Variants in LRBA observed in about 807,000 individuals in gnomAD.
LRBA encodes lipopolysaccharide-responsive and beige-like anchor protein.
In LRBA, 176 loss-of-function variants were observed where a neutral mutation model predicts 330.0. The observed-to-expected ratio is 0.53, with a 90% confidence interval of 0.47 to 0.60. The LOEUF (loss-of-function observed/expected upper bound fraction) is 0.60, where lower values mean the gene tolerates loss of function less well. LRBA is among the 20% of genes least tolerant of loss of function. LRBA has a pLI of 0.00. For synonymous variants in LRBA, 1,230 were observed against 1,193.0 expected (o/e 1.03, Z -0.64); for missense variants, 3,259 against 3,444.8 (o/e 0.95, Z 1.35).
chr4:150,722,175 T>A (rs547620316), intron 36 of LRBA, among the ~76,000 whole-genome samples: 1 of 151,826 alleles, frequency 6.6e-6, no homozygotes, highest in African/African-American at 2.4e-5. Context: ...GAAAAAAAAA[T>A]AATTTGAGAA....
chr4:150,975,375 A>G (rs1431262908), intron 2 of LRBA, among the ~76,000 whole-genome samples: 1 of 151,878 alleles, frequency 6.6e-6, no homozygotes. Flanking sequence ...AAAATACAAA[A>G]ATTAGCTGGG....
chr4:150,398,633 CT>C (rs57787237), intron 47 of LRBA, among the ~76,000 whole-genome samples: 74 of 147,188 alleles, frequency 5.0e-4, no homozygotes, highest in South Asian at 8.6e-4. Context: ...TTCTTTCTTT[CT>C]TTTTTTTTTT....
chr4:150,917,070 G>A (rs918750201), intron 5 of LRBA, among the ~76,000 whole-genome samples: 18 of 151,892 alleles, frequency 1.2e-4, no homozygotes, highest in East Asian at 7.8e-4. Context: ...GGAGAACGGC[G>A]TGAACCCAGG....
At chr4:150,975,585 T>C (rs1370266775) in intron 2 of LRBA, among the ~76,000 whole-genome samples, 1 of 132,406 alleles carries the variant, frequency 7.6e-6, no homozygotes, top group Admixed American at 7.3e-5. Context: ...TAAAGAAAAA[T>C]GAAATGAATG....
intron 2 of LRBA, among the ~76,000 whole-genome samples, chr4:150,966,339 G>A (rs1192977925): frequency 2.7e-5 from 4 of 149,516 alleles, no homozygotes; most frequent in African/African-American, 4.9e-5. Flanking sequence ...ACGGAGTCTC[G>A]TTCTGTCACC....
chr4:150,843,747 G>T (rs1203218891), intron 28 of LRBA, among the ~76,000 whole-genome samples: 1 of 152,136 alleles, frequency 6.6e-6, no homozygotes, highest in Non-Finnish European at 1.5e-5. Flanking sequence ...GCTTGGAGAT[G>T]TTACTCAAGC....
chr4:150,334,933 G>T (rs555648981), intron 48 of LRBA, among the ~76,000 whole-genome samples: 181 of 149,744 alleles, frequency 1.2e-3, no homozygotes, highest in Non-Finnish European at 2.2e-3. Context: ...AGGTTCAAGT[G>T]ATTCTCCTGC....
Position 150,264,656 on chromosome 4 carries a change from A to G in LRBA, c.*1066T>C, listed in dbSNP as rs1745080472. 6.6e-6 allele frequency: 1 copy of G among 152,650 alleles called. No individual in the cohort carries two copies. The highest frequency in any genetic ancestry group is 2.4e-5 in the African/African-American group (1 of 41,470). The allele number at this position is 152,650 out of a possible 1,614,324, so 9.5% of individuals were successfully genotyped here. On this transcript the variant is annotated 3_prime_UTR_variant, in exon 57 of 57. Transcript: ENST00000651943. Reference sequence around the variant, plus strand: ...TCTGTTGCAAGAGAAATAGAGATCAAAGTTCACAACATACAAAGAATTTAT... The same window carrying G: ...TCTGTTGCAAGAGAAATAGAGATCAGAGTTCACAACATACAAAGAATTTAT...
At chr4:150,981,741 A>T (rs1740861134) in intron 2 of LRBA, among the ~76,000 whole-genome samples, 1 of 152,088 alleles carries the variant, frequency 6.6e-6, no homozygotes, top group Non-Finnish European at 1.5e-5. Context: ...CAGGTGGATC[A>T]CGAGGTCAGG....
intron 34 of LRBA, among the ~76,000 whole-genome samples, chr4:150,792,802 C>G (rs1277341196): frequency 6.6e-6 from 1 of 152,138 alleles, no homozygotes; most frequent in Non-Finnish European, 1.5e-5. Context: ...GGCTAGGGGC[C>G]GGGCACAGTG....
intron 35 of LRBA, among the ~76,000 whole-genome samples, chr4:150,738,859 A>G (rs899144854): frequency 3.3e-5 from 5 of 152,110 alleles, no homozygotes; most frequent in Non-Finnish European, 7.4e-5. Context: ...GAAGGAAAAA[A>G]AAAAGAAACA....
chr4:150,813,342 A>G (rs915832670), intron 31 of LRBA, among the ~76,000 whole-genome samples: 10 of 152,062 alleles, frequency 6.6e-5, no homozygotes, highest in East Asian at 5.8e-4. Context: ...CCTCTGATGA[A>G]TATCTTTTAA....
chr4:150,549,472 C>T (rs1190674441), intron 40 of LRBA, among the ~76,000 whole-genome samples: 2 of 152,016 alleles, frequency 1.3e-5, no homozygotes, highest in African/African-American at 4.8e-5. Context: ...GCTGGGACTA[C>T]AGGTGCCCGT....
At chr4:150,475,482 C>T (rs1756606166) in intron 42 of LRBA, among the ~76,000 whole-genome samples, 1 of 152,092 alleles carries the variant, frequency 6.6e-6, no homozygotes. Flanking sequence ...ATTCAAATTT[C>T]CAATTTCTTT....
At chr4:150,844,823 A>G in intron 26 of LRBA, 44 bp from the exon 27 acceptor site, 1 of 1,524,214 alleles carries the variant, frequency 6.6e-7, no homozygotes, top group Non-Finnish European at 9.1e-7. Flanking sequence ...AAAAGTTAAT[A>G]TTTAAGATTA....
chr4:150,550,299 A>G (rs1156635099), intron 40 of LRBA, among the ~76,000 whole-genome samples: 2 of 152,156 alleles, frequency 1.3e-5, no homozygotes, highest in African/African-American at 4.8e-5. Flanking sequence ...GGGGTAGCTA[A>G]AACAACACCC....
At chr4:150,671,973 G>C (rs936859588) in intron 37 of LRBA, among the ~76,000 whole-genome samples, 1 of 152,182 alleles carries the variant, frequency 6.6e-6, no homozygotes, top group Non-Finnish European at 1.5e-5. Context: ...GCAGAGGATA[G>C]AGACAACAAG....
Position 150,275,800 on chromosome 4 carries a change from A to T in LRBA, c.8468+2053T>A, listed in dbSNP as rs1373466646. Among the ~76,000 whole-genome samples the T allele has an allele frequency of 2.0e-5, 3 of 152,254 alleles. No homozygotes were observed. In the South Asian group the frequency reaches 6.2e-4, roughly 31 times the overall value. ...AGAGGACACAAATAAGTGGAAAAAC[A>T]TTCCATGCTCATGGATAGGAAGAAT... On this transcript the variant is annotated intron_variant, in intron 56 of 56. Coordinates refer to ENST00000651943, the MANE Select transcript of LRBA (RefSeq NM_001364905.1).
chr4:150,583,099 A>C lies in LRBA; in HGVS notation c.6330+4949T>G. ...CTACACTGAGCGCTGTCAGGCGCGCAAGGCGGCCATCGCCAAAACCATCCG... is the reference window on the plus strand; with the variant it reads ...CTACACTGAGCGCTGTCAGGCGCGCCAGGCGGCCATCGCCAAAACCATCCG... On this transcript the variant is annotated intron_variant, in intron 40 of 56. Transcript: ENST00000651943. This position sits in a 1 kb window ranked among gnomAD's most constrained non-coding sequence, Gnocchi z 9.8. The C allele has an allele frequency of 6.2e-7, 1 of 1,614,150 alleles. No homozygotes were observed. Among genetic ancestry groups the C allele is most frequent in the Non-Finnish European group, 8.5e-7 (1 of 1,180,018 alleles).
Sources: gnomAD v4.1 joint callset for allele counts (sites outside exome capture counted in the v4.1 genomes callset) on GRCh38, gnomAD v4.1.1 for gene constraint, Gnocchi (gnomAD v3.1) non-coding constraint, MANE v1.5 for transcripts, NCBI Gene and HGNC (gene_info 2026-07-23, HGNC 2026-07-21) for gene names.